TERB2: variants seen among roughly 807,000 people sequenced by gnomAD.
TERB2 encodes the protein telomere repeat binding bouquet formation protein 2.
TERB2 carries 26 observed loss-of-function variants against 29.8 expected under a neutral mutation model. The ratio of observed to expected loss-of-function variants is 0.87; its 90% CI spans 0.64 to 1.21. TERB2 has a LOEUF of 1.21. Ranked by LOEUF, TERB2 falls within the 50% of genes most tolerant of loss-of-function variation. The probability of loss-of-function intolerance (pLI) is 0.00; values close to 1 mark genes in which losing one functional copy is unlikely to be tolerated. For missense variants in TERB2, 240 were observed against 268.6 expected (o/e 0.89, Z 0.74); for synonymous variants, 80 against 90.8 (o/e 0.88, Z 0.68).
chr15:44,978,524 G>T lies in TERB2; in HGVS notation c.559G>T (p.Gly187Trp), dbSNP rs183491207. The change falls in exon 7 of 7, where the codon GGG (glycine) becomes TGG (tryptophan). Residue 187 changes from glycine (G) to tryptophan (W), a missense_variant. Gly to Trp is a radical substitution (Grantham distance 184). Transcript: ENST00000340827. Reference protein sequence around the residue: ...ISIDAMKKFLGELHDFIPGTS... With the variant: ...ISIDAMKKFLWELHDFIPGTS... ...AATTGATGCCATGAAGAAATTCCTT[G>T]GGGAGCTACATGACTTCATTCCTGG... 3.2e-5 allele frequency: 52 copies of T among 1,606,090 alleles called. No individual in the cohort carries two copies. The highest frequency in any genetic ancestry group is 4.0e-5 in the Non-Finnish European group (47 of 1,175,884).
intron 3 of TERB2, among the ~76,000 whole-genome samples, chr15:44,959,466 C>T (rs917954184): frequency 2.6e-5 from 4 of 152,120 alleles, no homozygotes; most frequent in African/African-American, 9.7e-5. Flanking sequence ...CTCCTGGGTT[C>T]AAGCGATTCT....
chr15:44,968,694 A>C (rs192929454), intron 5 of TERB2, among the ~76,000 whole-genome samples: 1 of 145,852 alleles, frequency 6.9e-6, no homozygotes, highest in African/African-American at 2.6e-5. Context: ...TCCCAGGCTG[A>C]AGTGAGAGAT....
At chr15:44,968,379 C>A (rs1891919390) in intron 5 of TERB2, among the ~76,000 whole-genome samples, 1 of 151,850 alleles carries the variant, frequency 6.6e-6, no homozygotes, top group Non-Finnish European at 1.5e-5. Context: ...CCCCACCACA[C>A]CAGCTAATTG....
At chr15:44,968,900 T>C (rs1440229159) in intron 5 of TERB2, among the ~76,000 whole-genome samples, 2 of 152,164 alleles carry the variant, frequency 1.3e-5, no homozygotes, top group Non-Finnish European at 2.9e-5. Flanking sequence ...TTTTTTTCTT[T>C]CTTAAACACC....
intron 6 of TERB2, among the ~76,000 whole-genome samples, 192 bp from the exon 7 acceptor site, chr15:44,978,297 G>A (rs1198764908): frequency 2.0e-5 from 3 of 152,126 alleles, no homozygotes; most frequent in Admixed American, 6.6e-5. Context: ...AGTTGTGGGA[G>A]GGGAAGAGGA....
At chr15:44,957,533 AAACTTTGAAT>A (rs1006693682) in intron 2 of TERB2, among the ~76,000 whole-genome samples, 7 of 152,078 alleles carry the variant, frequency 4.6e-5, no homozygotes, top group Admixed American at 3.9e-4. Flanking sequence ...GTGTTCTCCA[AAACTTTGAAT>A]AACTTTGAAT....
At chr15:44,971,236 A>C (rs1464000857) in intron 5 of TERB2, 1 of 152,340 alleles carries the variant, frequency 6.6e-6, no homozygotes, top group Non-Finnish European at 1.5e-5. Context: ...ACAGCCAAAA[A>C]CAGATCGGGT....
intron 6 of TERB2, among the ~76,000 whole-genome samples, chr15:44,974,948 T>C (rs1264523511): frequency 6.6e-6 from 1 of 152,138 alleles, no homozygotes; most frequent in Non-Finnish European, 1.5e-5. Flanking sequence ...AATATTAAAA[T>C]CAGCCATACA....
In TERB2 at chr15:44,978,581, A is replaced by G; in HGVS notation, c.616A>G (p.Asn206Asp). 1 of 1,608,836 alleles carries G rather than the reference A, an allele frequency of 6.2e-7. No homozygotes were observed. The highest frequency in any genetic ancestry group is 1.1e-5 in the South Asian group (1 of 89,778). The change falls in exon 7 of 7, where the codon AAT becomes GAT. Residue 206 changes from asparagine to aspartate, a missense_variant. Physicochemically the swap from Asn to Asp is conservative, Grantham distance 23. Coordinates refer to ENST00000340827, the MANE Select transcript of TERB2 (RefSeq NM_152448.3). ...AGGATATTTGGCATATCATGTTCAAAATGAAATTAATATGTCTGCTATAAA... is the reference window on the plus strand; with the variant it reads ...AGGATATTTGGCATATCATGTTCAAGATGAAATTAATATGTCTGCTATAAA... ...TSGYLAYHVQ[N>D]EINMSAIKNK... is the part of the protein sequence containing the mutation.
At chr15:44,964,442 A>G (rs946670996) in intron 4 of TERB2, among the ~76,000 whole-genome samples, 3 of 152,112 alleles carry the variant, frequency 2.0e-5, no homozygotes, top group Non-Finnish European at 4.4e-5. Context: ...GCAGTAATGC[A>G]ATGGTTATTA....
chr15:44,961,164 T>C (rs1269359609), intron 3 of TERB2, among the ~76,000 whole-genome samples: 7 of 148,744 alleles, frequency 4.7e-5, no homozygotes, highest in Non-Finnish European at 8.9e-5. Flanking sequence ...CAAATATAGA[T>C]AGAAGAGTGG....
At chr15:44,957,586 G>A (rs1891738209) in intron 2 of TERB2, among the ~76,000 whole-genome samples, 1 of 152,094 alleles carries the variant, frequency 6.6e-6, no homozygotes, top group Non-Finnish European at 1.5e-5. Context: ...GTCAGAGGCC[G>A]AATACCATGA....
At chr15:44,961,215 TAC>T (rs1248325306) in intron 3 of TERB2, among the ~76,000 whole-genome samples, 664 of 132,650 alleles carry the variant, frequency 5.0e-3, no homozygotes, top group African/African-American at 7.2e-3. Flanking sequence ...TATATATATA[TAC>T]ACACACACAC....
intron 5 of TERB2, 30 bp from the exon 6 acceptor site, chr15:44,973,837 G>A (rs774170558): frequency 3.3e-6 from 5 of 1,527,838 alleles, no homozygotes; most frequent in Non-Finnish European, 4.4e-6. Context: ...TACTATGTAT[G>A]TGTGACTTTC....
intron 5 of TERB2, among the ~76,000 whole-genome samples, chr15:44,966,941 A>G (rs1212310733): frequency 6.6e-6 from 1 of 152,126 alleles, no homozygotes; most frequent in African/African-American, 2.4e-5. Context: ...TCTATAAAAA[A>G]TTTAAAATAC....
At chr15:44,968,914 T>C (rs1891928382) in intron 5 of TERB2, among the ~76,000 whole-genome samples, 1 of 152,076 alleles carries the variant, frequency 6.6e-6, no homozygotes, top group Non-Finnish European at 1.5e-5. Flanking sequence ...AAACACCTTA[T>C]TTATTTACTT....
intron 3 of TERB2, 101 bp from the exon 4 acceptor site, chr15:44,961,422 T>C: frequency 2.7e-6 from 2 of 753,492 alleles, no homozygotes; most frequent in Non-Finnish European, 2.2e-6. Context: ...TTGTTGCAAA[T>C]AGAATAACAC....
In TERB2 at chr15:44,973,757, TA is replaced by T. The variant is rs1471333282; in HGVS notation, c.435-108del. The T allele has an allele frequency of 3.6e-5, 28 of 785,996 alleles. No individual in the cohort carries two copies. The East Asian group carries it at 2.2e-3, about 63-fold the overall frequency. 48.7% of individuals were successfully genotyped at this position (785,996 alleles called of 1,614,324 possible). On this transcript the variant is annotated intron_variant, in intron 5 of 6. Transcript: ENST00000340827. The stretch of plus-strand genomic sequence containing the variant: ...GTGGTATAGTATACTATAGTAAAGG[TA>T]ATTATGTATTATAAATATTTATTTA...
In TERB2 at chr15:44,973,945, C is replaced by T; in HGVS notation, c.513C>T (p.Asn171=). ...CTCTACAGAATTACCCAGTTAACAACATGGTAACAGGTAGTTTAAAATAAA... is the reference window on the plus strand; with the variant it reads ...CTCTACAGAATTACCCAGTTAACAATATGGTAACAGGTAGTTTAAAATAAA... ...YFPLQNYPVN[N]MVTGYISIDA... The change falls in exon 6 of 7, where the codon AAC becomes AAT. Residue 171 remains asparagine, a synonymous_variant. Coordinates refer to ENST00000340827, the MANE Select transcript of TERB2 (RefSeq NM_152448.3). 1 of 1,593,906 alleles carries T rather than the reference C, an allele frequency of 6.3e-7. No individual in the cohort carries two copies. The highest frequency in any genetic ancestry group is 2.3e-5 in the East Asian group (1 of 43,862).
Sources: gnomAD v4.1 joint callset for allele counts (sites outside exome capture counted in the v4.1 genomes callset) on GRCh38, gnomAD v4.1.1 for gene constraint, MANE v1.5 for transcripts, NCBI Gene and HGNC (gene_info 2026-07-23, HGNC 2026-07-21) for gene names.